The following ARHGAP23 variants were observed in gnomAD, a reference collection of about 807,000 sequenced individuals.
The protein encoded by ARHGAP23 is rho GTPase-activating protein 23.
A neutral mutation model predicts 136.3 loss-of-function variants in ARHGAP23; 34 were observed. That is an observed-to-expected ratio of 0.25 (90% CI 0.19 to 0.33). The LOEUF (loss-of-function observed/expected upper bound fraction) is 0.33. ARHGAP23 is among the 10% of genes least tolerant of loss of function. ARHGAP23 has a pLI of 1.00. For missense variants in ARHGAP23, 1,808 were observed against 2,139.0 expected (o/e 0.85, Z 3.05); for synonymous variants, 832 against 920.5 (o/e 0.90, Z 1.74).
rs2040756104 is a variant in ARHGAP23, at chr17:38,511,101, C to T, written c.*129C>T. On this transcript the variant is annotated 3_prime_UTR_variant, in exon 24 of 24. Coordinates refer to ENST00000622683, the MANE Select transcript of ARHGAP23 (RefSeq NM_001199417.2). Reference sequence around the variant, plus strand: ...TGGTGTGGGTGGAGGGCGCAGCAGGCAGTGTCTCTAGTTGGTGTGCTGGAA... The same window carrying T: ...TGGTGTGGGTGGAGGGCGCAGCAGGTAGTGTCTCTAGTTGGTGTGCTGGAA... 48 of 1,011,024 alleles carry T rather than the reference C, an allele frequency of 4.7e-5. No homozygotes were observed. In the South Asian group the frequency reaches 1.0e-3, roughly 21 times the overall value. The allele number at this position is 1,011,024 out of a possible 1,614,324, so 62.6% of individuals were successfully genotyped here. A position where few individuals can be genotyped will look rare whatever the true frequency, so the allele number is the denominator to read the frequency against.
chr17:38,497,352 G>A (rs73302642), intron 20 of ARHGAP23, among the ~76,000 whole-genome samples: 7,088 of 152,296 alleles, frequency 0.047, 580 homozygotes, highest in African/African-American at 0.16. Context: ...GGCAGGTGGC[G>A]TGGGGCACAC....
chr17:38,428,611 C>T, intron 1 of ARHGAP23, 63 bp downstream of exon 1: 1 of 1,184,160 alleles, frequency 8.4e-7, no homozygotes, highest in Non-Finnish European at 1.1e-6. Context: ...GGCTGCCAAG[C>T]CAGGGTCGCT....
At chr17:38,506,241 T>C (rs1327536953) in intron 23 of ARHGAP23, among the ~76,000 whole-genome samples, 1 of 152,202 alleles carries the variant, frequency 6.6e-6, no homozygotes, top group Non-Finnish European at 1.5e-5. Flanking sequence ...AAATGCCCTG[T>C]GAGTTAGAGA....
In ARHGAP23 at chr17:38,466,866, C is replaced by T. The variant is rs963344006; in HGVS notation, c.1183C>T (p.Arg395Trp). 1.5e-5 allele frequency: 24 copies of T among 1,549,522 alleles called. No homozygotes were observed. Among genetic ancestry groups the T allele is most frequent in the Non-Finnish European group, 1.8e-5 (21 of 1,146,790 alleles). The part of the protein sequence containing the change: ...SSARTPACPT[R>W]DLPGPQAPPP... ...TGCCCGCACCCCCGCCTGCCCAACT[C>T]GGGACCTGCCAGGGCCCCAGGCCCC... is the stretch of plus-strand genomic sequence containing the variant. Residue 395 changes from arginine to tryptophan, a missense_variant, in exon 7 of 24, where the codon CGG becomes TGG. Around this residue, in one of 7 missense-constraint regions of ARHGAP23, gnomAD observed 859 missense variants for 936.4 expected, o/e 0.92. Coordinates refer to ENST00000622683, the MANE Select transcript of ARHGAP23 (RefSeq NM_001199417.2).
chr17:38,510,154 GCCGTCGCCC>G lies in ARHGAP23; in HGVS notation c.3662_3670del (p.Val1221_Pro1223del). The G allele has an allele frequency of 7.8e-7, 1 of 1,283,614 alleles. No homozygotes were observed. The highest frequency in any genetic ancestry group is 9.8e-7 in the Non-Finnish European group (1 of 1,023,766). The allele number at this position is 1,283,614 out of a possible 1,614,324, so 79.5% of individuals were successfully genotyped here. A position where few individuals can be genotyped will look rare whatever the true frequency, so the allele number is the denominator to read the frequency against. On this transcript the variant is annotated inframe_deletion, in exon 24 of 24. Transcript: ENST00000622683. This position sits in a 1 kb window ranked among gnomAD's most constrained non-coding sequence, Gnocchi z 4.6. ...GCGGCCGCAGGGGCCGCTGCCTGGC[GCCGTCGCCC>G]CCGAGGCCCCCGGACGCCTCAGTCC...
At chr17:38,437,600 G>A (rs1746859912) in intron 1 of ARHGAP23, among the ~76,000 whole-genome samples, 1 of 149,042 alleles carries the variant, frequency 6.7e-6, no homozygotes, top group South Asian at 2.1e-4. Flanking sequence ...CTGGACAACA[G>A]AGCAAGACCC....
At chr17:38,458,605 G>A (rs4795280) in intron 2 of ARHGAP23, among the ~76,000 whole-genome samples, 39,991 of 152,114 alleles carry the variant, frequency 0.26, 5,614 homozygotes, top group East Asian at 0.42. Context: ...GTCTCTGGCA[G>A]GTGAACAGTT....
At chr17:38,472,315 A>G (rs1469007209) in intron 11 of ARHGAP23, among the ~76,000 whole-genome samples, 2 of 152,218 alleles carry the variant, frequency 1.3e-5, no homozygotes, top group African/African-American at 2.4e-5. Context: ...GCTGGGGCTC[A>G]TGGAAAACAA....
intron 19 of ARHGAP23, 136 bp downstream of exon 19, chr17:38,490,687 C>G (rs556222282): frequency 1.4e-6 from 1 of 715,196 alleles, no homozygotes; most frequent in Non-Finnish European, 2.5e-6. Context: ...ATGACTGCTC[C>G]GTCCCCACCC....
rs186022968 is a variant in ARHGAP23 at position 38,487,756 on chromosome 17, A to T, written c.2986+1616A>T. Among the ~76,000 whole-genome samples, 803 of 152,058 alleles carry T rather than the reference A, an allele frequency of 5.3e-3. 5 individuals are homozygous for T. The highest frequency in any genetic ancestry group is 0.018 in the African/African-American group (767 of 41,492). On this transcript the variant is annotated intron_variant, in intron 17 of 23. Transcript: ENST00000622683. The stretch of plus-strand genomic sequence containing the variant: ...GCGGGTGCCTGTAGTCCCAGCTGCT[A>T]GGGAGGCCGAGACAGGAGAATTGCT...
chr17:38,475,933 G>A (rs141008184), intron 11 of ARHGAP23, among the ~76,000 whole-genome samples: 4 of 152,300 alleles, frequency 2.6e-5, no homozygotes, highest in East Asian at 3.9e-4. Context: ...GGGGAAGAAG[G>A]AAGCAGCCAC....
chr17:38,504,771 G>A (rs560853981), intron 23 of ARHGAP23, among the ~76,000 whole-genome samples: 2 of 152,230 alleles, frequency 1.3e-5, no homozygotes, highest in Admixed American at 1.3e-4. Context: ...AGATGTGACA[G>A]TCCTGTCTGT....
At chr17:38,462,247 C>CTT (rs59822011) in intron 3 of ARHGAP23, among the ~76,000 whole-genome samples, 490 of 46,870 alleles carry the variant, frequency 0.01, 12 homozygotes, top group African/African-American at 0.03. Context: ...CGCACCCGGC[C>CTT]TTTTTTTTTT....
chr17:38,443,313 G>T (rs1220163159), intron 1 of ARHGAP23, among the ~76,000 whole-genome samples: 1 of 152,182 alleles, frequency 6.6e-6, no homozygotes, highest in Non-Finnish European at 1.5e-5. Flanking sequence ...ATTTCCAGAG[G>T]TTGGTTAAAT....
chr17:38,460,326 G>T (rs1329326929), intron 2 of ARHGAP23, among the ~76,000 whole-genome samples: 2 of 151,952 alleles, frequency 1.3e-5, no homozygotes. Flanking sequence ...GAGTGCTTTA[G>T]CCTGAGTATT....
chr17:38,484,053 G>C (rs1423865373), intron 16 of ARHGAP23, among the ~76,000 whole-genome samples: 3 of 152,158 alleles, frequency 2.0e-5, no homozygotes, highest in East Asian at 1.9e-4. Context: ...AGCTGGGGAG[G>C]CATCGTGAGA....
intron 7 of ARHGAP23, among the ~76,000 whole-genome samples, chr17:38,468,364 C>G (rs2039663023): frequency 6.6e-6 from 1 of 151,864 alleles, no homozygotes; most frequent in African/African-American, 2.4e-5. Flanking sequence ...GGGGTGGTGC[C>G]TCACCCCCGT....
intron 1 of ARHGAP23, among the ~76,000 whole-genome samples, chr17:38,440,549 C>T (rs966737698): frequency 5.3e-5 from 8 of 152,268 alleles, no homozygotes; most frequent in African/African-American, 1.9e-4. Flanking sequence ...AGGACTTGAC[C>T]AAGGTCATGC....
chr17:38,507,276 A>AAATTAAT (rs142246291), intron 23 of ARHGAP23, among the ~76,000 whole-genome samples: 6 of 136,674 alleles, frequency 4.4e-5, no homozygotes, highest in South Asian at 5.1e-4. Context: ...CTCCGTCTCA[A>AAATTAAT]AATAATAATA....
Sources: gnomAD v4.1 joint callset for allele counts (sites outside exome capture counted in the v4.1 genomes callset) on GRCh38, gnomAD v4.1.1 for gene constraint, gnomAD v4.1.1 regional missense constraint, Gnocchi (gnomAD v3.1) non-coding constraint, MANE v1.5 for transcripts, NCBI Gene and HGNC (gene_info 2026-07-23, HGNC 2026-07-21) for gene names.